Variants in GNAI1 observed in about 807,000 individuals in gnomAD.
The protein encoded by GNAI1 is guanine nucleotide-binding protein G(i) subunit alpha-1.
Under a neutral mutation model 38.9 loss-of-function variants are expected in GNAI1, and 11 were observed. That is an observed-to-expected ratio of 0.28 (90% CI 0.18 to 0.47). GNAI1 has a LOEUF of 0.47. Ranked by LOEUF, GNAI1 falls within the 20% of genes least tolerant of loss-of-function variation. GNAI1 has a pLI of 0.99. For synonymous variants in GNAI1, 166 were observed against 145.1 expected (o/e 1.14, Z -1.04); for missense variants, 317 against 436.9 (o/e 0.73, Z 2.45).
intron 1 of GNAI1, among the ~76,000 whole-genome samples, chr7:80,163,080 C>CA (rs142221997): frequency 0.01 from 1,527 of 152,248 alleles, 20 homozygotes; most frequent in South Asian, 0.028. Flanking sequence ...GGGAGGCTGA[C>CA]ACCCCTGGGT....
At chr7:80,168,929 T>C (rs903817541) in intron 1 of GNAI1, among the ~76,000 whole-genome samples, 7 of 152,226 alleles carry the variant, frequency 4.6e-5, no homozygotes, top group African/African-American at 1.7e-4. Flanking sequence ...TGATGTTAGG[T>C]TGACTGTCTT....
intron 1 of GNAI1, among the ~76,000 whole-genome samples, chr7:80,185,164 A>AT (rs1219564071): frequency 2.6e-5 from 4 of 152,000 alleles, no homozygotes; most frequent in Non-Finnish European, 4.4e-5. Context: ...TCTTTACAAT[A>AT]TTGTTTCCTG....
intron 1 of GNAI1, among the ~76,000 whole-genome samples, chr7:80,158,719 G>A (rs932351684): frequency 2.0e-5 from 3 of 152,148 alleles, no homozygotes; most frequent in Middle Eastern, 3.2e-3. Context: ...TTAACAACAT[G>A]AGAACAAACT....
chr7:80,204,943 T>C (rs551277538), intron 5 of GNAI1, among the ~76,000 whole-genome samples: 2 of 152,292 alleles, frequency 1.3e-5, no homozygotes, highest in African/African-American at 4.8e-5. Flanking sequence ...AGATGTTCCT[T>C]TTTTGCTTCT....
intron 3 of GNAI1, 105 bp downstream of exon 3, chr7:80,189,336 C>A (rs1273132934): frequency 5.1e-6 from 5 of 987,544 alleles, no homozygotes; most frequent in Non-Finnish European, 7.7e-6. Flanking sequence ...AGGACCATTT[C>A]ATAAAAGGAA....
intron 1 of GNAI1, among the ~76,000 whole-genome samples, chr7:80,143,828 A>G (rs922927274): frequency 2.0e-5 from 3 of 152,284 alleles, no homozygotes; most frequent in Non-Finnish European, 4.4e-5. Context: ...ACTCTGTGGA[A>G]TCAGCCCTCC....
At chr7:80,150,086 G>C (rs1400552670) in intron 1 of GNAI1, among the ~76,000 whole-genome samples, 1 of 152,120 alleles carries the variant, frequency 6.6e-6, no homozygotes, top group African/African-American at 2.4e-5. Flanking sequence ...ATGTACTGTT[G>C]GTTGGGAGCA....
chr7:80,201,557 A>G (rs1345386988), intron 4 of GNAI1, among the ~76,000 whole-genome samples: 1 of 152,016 alleles, frequency 6.6e-6, no homozygotes, highest in Non-Finnish European at 1.5e-5. Context: ...TGTCTCTACA[A>G]AAAGTAAAAA....
At chr7:80,145,130 T>C (rs1787596147) in intron 1 of GNAI1, among the ~76,000 whole-genome samples, 1 of 152,210 alleles carries the variant, frequency 6.6e-6, no homozygotes, top group Non-Finnish European at 1.5e-5. Context: ...TGCCTAGCTT[T>C]AAAAGTGATA....
intron 7 of GNAI1, among the ~76,000 whole-genome samples, chr7:80,216,115 A>G (rs2008184109): frequency 6.6e-6 from 1 of 152,164 alleles, no homozygotes; most frequent in Admixed American, 6.5e-5. Context: ...TTTTTATTGA[A>G]GCATTACATA....
chr7:80,145,303 T>C (rs978554771), intron 1 of GNAI1, among the ~76,000 whole-genome samples: 2 of 152,208 alleles, frequency 1.3e-5, no homozygotes, highest in Non-Finnish European at 2.9e-5. Flanking sequence ...CTGATTGATA[T>C]AGAAGTATTG....
intron 1 of GNAI1, among the ~76,000 whole-genome samples, chr7:80,174,181 A>G (rs1788143811): frequency 6.6e-6 from 1 of 152,106 alleles, no homozygotes; most frequent in Admixed American, 6.5e-5. Context: ...ATTTTTTTCT[A>G]AATAAATCGC....
Position 80,221,032 on chromosome 7 carries a change from C to T in GNAI1, c.*3539C>T, listed in dbSNP as rs1447275211. Among the ~76,000 whole-genome samples the T allele has an allele frequency of 6.6e-6, 1 of 152,112 alleles. No individual in the cohort carries two copies. Among genetic ancestry groups the T allele is most frequent in the African/African-American group, 2.4e-5 (1 of 41,408 alleles). On this transcript the variant is annotated 3_prime_UTR_variant, in exon 8 of 8. Transcript: ENST00000649796. ...TTACATCATTTGCCGTTTGCAGAAC[C>T]ACCTTATGTAAATGAATTTAGTTGA...
intron 1 of GNAI1, among the ~76,000 whole-genome samples, chr7:80,182,095 G>T (rs1169120161): frequency 1.3e-5 from 2 of 152,032 alleles, no homozygotes; most frequent in African/African-American, 4.8e-5. Context: ...CTATGAGTCT[G>T]ACTTTTTTTA....
rs1789017158 is a variant in GNAI1 at position 80,218,638 on chromosome 7, A to C, written c.*1145A>C. 1 of 152,210 alleles carries C rather than the reference A, an allele frequency of 6.6e-6. No homozygotes were observed. The highest frequency in any genetic ancestry group is 2.4e-5 in the African/African-American group (1 of 41,462). 9.4% of individuals were successfully genotyped at this position (152,210 alleles called of 1,614,324 possible). On this transcript the variant is annotated 3_prime_UTR_variant, in exon 8 of 8. Coordinates refer to ENST00000649796, the MANE Select transcript of GNAI1 (RefSeq NM_002069.6). ...CATATAACTAATTTCAAATGTAATTATCACACTATGTTAAAATTACTTTTT... is the reference window on the plus strand; with the variant it reads ...CATATAACTAATTTCAAATGTAATTCTCACACTATGTTAAAATTACTTTTT...
intron 3 of GNAI1, among the ~76,000 whole-genome samples, chr7:80,190,116 A>C (rs1788456147): frequency 6.6e-6 from 1 of 151,924 alleles, no homozygotes; most frequent in African/African-American, 2.4e-5. Context: ...AGAGACTATA[A>C]ATTTTTCTTT....
chr7:80,158,294 T>C (rs529225683), intron 1 of GNAI1, among the ~76,000 whole-genome samples: 18 of 152,246 alleles, frequency 1.2e-4, no homozygotes, highest in Admixed American at 2.0e-4. Context: ...CTTAATGAGG[T>C]GTTTGTTTGC....
At chr7:80,178,012 A>T (rs1420768932) in intron 1 of GNAI1, among the ~76,000 whole-genome samples, 1 of 152,240 alleles carries the variant, frequency 6.6e-6, no homozygotes. Context: ...CAGAATATTA[A>T]CATTAACAGG....
At chr7:80,173,091 C>CT (rs1788123917) in intron 1 of GNAI1, among the ~76,000 whole-genome samples, 1 of 152,114 alleles carries the variant, frequency 6.6e-6, no homozygotes, top group East Asian at 1.9e-4. Flanking sequence ...CTGATGGGTA[C>CT]TGGTACCACT....
Sources: gnomAD v4.1 joint callset for allele counts (sites outside exome capture counted in the v4.1 genomes callset) on GRCh38, gnomAD v4.1.1 for gene constraint, MANE v1.5 for transcripts, NCBI Gene and HGNC (gene_info 2026-07-23, HGNC 2026-07-21) for gene names.